The following CTNNA2 variants were observed in gnomAD, a reference collection of about 807,000 sequenced individuals.
The protein encoded by CTNNA2 is catenin alpha 2.
In CTNNA2, 42 loss-of-function variants were observed where a neutral mutation model predicts 101.0. That is an observed-to-expected ratio of 0.42 (90% CI 0.32 to 0.54). The LOEUF is 0.54. Among genes scored for constraint, CTNNA2 ranks in the 20% least tolerant of loss-of-function variants. CTNNA2 has a pLI of 0.14. For synonymous variants in CTNNA2, 450 were observed against 456.4 expected (o/e 0.99, Z 0.18); for missense variants, 871 against 1,223.1 (o/e 0.71, Z 4.29).
intron 7 of CTNNA2, among the ~76,000 whole-genome samples, chr2:80,095,673 A>T (rs995187545): frequency 6.6e-5 from 10 of 152,136 alleles, no homozygotes; most frequent in African/African-American, 1.9e-4. Flanking sequence ...TGTTGCTTCA[A>T]TTTCAGAGCC....
intron 7 of CTNNA2, among the ~76,000 whole-genome samples, chr2:80,129,507 A>T (rs1394900980): frequency 2.6e-5 from 4 of 151,880 alleles, no homozygotes; most frequent in African/African-American, 9.7e-5. Flanking sequence ...ATCCCTAGAC[A>T]CCTCTAGGGC....
rs142690808 is a variant in CTNNA2 at position 79,246,369 on chromosome 2, G to C, written c.-406+48293G>C. Among the ~76,000 whole-genome samples, 482 of 152,182 alleles carry C rather than the reference G, an allele frequency of 3.2e-3. 3 individuals are homozygous for C. Among genetic ancestry groups the C allele is most frequent in the Non-Finnish European group, 5.9e-3 (398 of 68,006 alleles). ...GTTAGTATTGCTTAATTTTCCTCCTGTCCTGAGTCCCTTTCATTTTCTGTA... is the reference window on the plus strand; with the variant it reads ...GTTAGTATTGCTTAATTTTCCTCCTCTCCTGAGTCCCTTTCATTTTCTGTA... On this transcript the variant is annotated intron_variant, in intron 2 of 21. Coordinates refer to the CTNNA2 transcript ENST00000466387.
At chr2:80,440,923 G>T (rs1284655455) in intron 9 of CTNNA2, among the ~76,000 whole-genome samples, 1 of 152,104 alleles carries the variant, frequency 6.6e-6, no homozygotes, top group African/African-American at 2.4e-5. Context: ...GAGAGTCCCA[G>T]GGTTACTTGG....
intron 7 of CTNNA2, among the ~76,000 whole-genome samples, chr2:80,329,133 A>T (rs1354372725): frequency 6.6e-6 from 1 of 152,088 alleles, no homozygotes; most frequent in Non-Finnish European, 1.5e-5. Context: ...AATCACACAA[A>T]CTCTGTTTGC....
intron 3 of CTNNA2, among the ~76,000 whole-genome samples, chr2:79,825,483 T>G (rs1200141541): frequency 6.6e-6 from 1 of 151,952 alleles, no homozygotes; most frequent in African/African-American, 2.4e-5. Flanking sequence ...AAATGAAAGA[T>G]GAATTCGAAT....
chr2:79,327,496 T>G (rs1676773671), intron 3 of CTNNA2, among the ~76,000 whole-genome samples: 1 of 152,072 alleles, frequency 6.6e-6, no homozygotes, highest in East Asian at 1.9e-4. Context: ...TATTGAAAAA[T>G]GAAAGAAAAA....
intron 3 of CTNNA2, among the ~76,000 whole-genome samples, chr2:79,814,478 C>A (rs1204263584): frequency 1.3e-5 from 2 of 152,038 alleles, no homozygotes; most frequent in African/African-American, 4.8e-5. Flanking sequence ...TGAGAACATA[C>A]AATATTTGGT....
At chr2:79,353,558 G>C (rs887469842) in intron 3 of CTNNA2, among the ~76,000 whole-genome samples, 2 of 152,226 alleles carry the variant, frequency 1.3e-5, no homozygotes, top group South Asian at 4.2e-4. Flanking sequence ...GCCTGTGAGT[G>C]TCATTGCATG....
At chr2:79,300,778 C>G (rs1463781715) in intron 2 of CTNNA2, among the ~76,000 whole-genome samples, 1 of 152,112 alleles carries the variant, frequency 6.6e-6, no homozygotes, top group African/African-American at 2.4e-5. Context: ...CAGCTATGCC[C>G]TCCTTCTATC....
intron 7 of CTNNA2, among the ~76,000 whole-genome samples, chr2:79,945,207 T>A: frequency 6.6e-6 from 1 of 152,206 alleles, no homozygotes; most frequent in South Asian, 2.1e-4. Flanking sequence ...CACACCTGGA[T>A]AATTTTTTAT....
chr2:79,703,565 C>T (rs1685151284), intron 2 of CTNNA2, among the ~76,000 whole-genome samples: 1 of 152,168 alleles, frequency 6.6e-6, no homozygotes, highest in African/African-American at 2.4e-5. Flanking sequence ...ATTAAACTTT[C>T]CATTCTGAAT....
At chr2:79,278,653 A>T (rs1184646498) in intron 2 of CTNNA2, among the ~76,000 whole-genome samples, 1 of 152,174 alleles carries the variant, frequency 6.6e-6, no homozygotes, top group Non-Finnish European at 1.5e-5. Flanking sequence ...TAAAATAAGC[A>T]TCAAAGAAAG....
intron 7 of CTNNA2, among the ~76,000 whole-genome samples, chr2:80,145,290 C>G (rs1365005968): frequency 6.6e-6 from 1 of 152,104 alleles, no homozygotes; most frequent in Non-Finnish European, 1.5e-5. Flanking sequence ...TGGAAGGGTC[C>G]TCTTATCTAC....
At chr2:80,441,333 T>C (rs1238016065) in intron 9 of CTNNA2, among the ~76,000 whole-genome samples, 1 of 152,178 alleles carries the variant, frequency 6.6e-6, no homozygotes, top group Non-Finnish European at 1.5e-5. Context: ...TTGATTCCTC[T>C]TGTGTAGTTC....
intron 7 of CTNNA2, among the ~76,000 whole-genome samples, chr2:80,050,546 G>C (rs892187108): frequency 3.9e-5 from 6 of 152,266 alleles, no homozygotes; most frequent in Middle Eastern, 3.4e-3. Context: ...CACAGTGCTG[G>C]GTGTATGAGA....
At chr2:80,617,086 C>T (rs1018175195) in intron 17 of CTNNA2, among the ~76,000 whole-genome samples, 9 of 151,680 alleles carry the variant, frequency 5.9e-5, no homozygotes, top group African/African-American at 2.2e-4. Context: ...ATTGTACCAT[C>T]TGTATTGGGT....
At chr2:80,025,442 AG>A (rs1394909128) in intron 7 of CTNNA2, among the ~76,000 whole-genome samples, 6 of 152,212 alleles carry the variant, frequency 3.9e-5, no homozygotes, top group Non-Finnish European at 8.8e-5. Context: ...AGTTTAATAA[AG>A]GTGGCTTTTA....
intron 7 of CTNNA2, among the ~76,000 whole-genome samples, chr2:80,015,383 G>C (rs535515804): frequency 6.6e-6 from 1 of 152,076 alleles, no homozygotes; most frequent in South Asian, 2.1e-4. Flanking sequence ...AGCAGGGCTC[G>C]TTCACAGCCA....
At chr2:80,444,099 G>C (rs1171773831) in intron 9 of CTNNA2, among the ~76,000 whole-genome samples, 1 of 152,200 alleles carries the variant, frequency 6.6e-6, no homozygotes, top group African/African-American at 2.4e-5. Flanking sequence ...TAGCCTCTCT[G>C]AATGTCAGTT....
Sources: gnomAD v4.1 joint callset for allele counts (sites outside exome capture counted in the v4.1 genomes callset) on GRCh38, gnomAD v4.1.1 for gene constraint, MANE v1.5 for transcripts, NCBI Gene and HGNC (gene_info 2026-07-23, HGNC 2026-07-21) for gene names.